ZFAT: variants seen among roughly 807,000 people sequenced by gnomAD.
ZFAT encodes the protein zinc finger and AT-hook domain containing.
A neutral mutation model predicts 117.7 loss-of-function variants in ZFAT; 64 were observed. That is an observed-to-expected ratio of 0.54 (90% CI 0.44 to 0.67). The LOEUF is 0.67. ZFAT is among the 30% of genes least tolerant of loss of function. The pLI is 0.00. For missense variants in ZFAT, 1,433 were observed against 1,584.5 expected (o/e 0.90, Z 1.62); for synonymous variants, 679 against 615.0 (o/e 1.10, Z -1.54).
In ZFAT at chr8:134,584,860, C is replaced by G. The variant is rs1825958631; in HGVS notation, c.2714-855G>C. 2.0e-5 allele frequency among the ~76,000 whole-genome samples: 3 copies of G among 151,162 alleles called. No individual in the cohort carries two copies. In the South Asian group the frequency reaches 6.3e-4, roughly 32 times the overall value. ...AAGCAGACAATTTTTAGTAGTAAGC[C>G]AAACGTTTTCACCCATTATCTACAC... On this transcript the variant is annotated intron_variant, in intron 9 of 15. Transcript: ENST00000377838.
intron 7 of ZFAT, among the ~76,000 whole-genome samples, chr8:134,595,358 A>G (rs774091560): frequency 1.2e-4 from 18 of 151,646 alleles, no homozygotes; most frequent in Admixed American, 3.9e-4. Context: ...TTTTTGAGAG[A>G]CAGAGAGAGA....
intron 1 of ZFAT, among the ~76,000 whole-genome samples, chr8:134,674,429 T>C (rs1172405211): frequency 6.6e-6 from 1 of 152,182 alleles, no homozygotes; most frequent in African/African-American, 2.4e-5. Flanking sequence ...GCATCCATCA[T>C]TGCTGAGGCC....
At chr8:134,770,067 C>CA in the ZFAT span, among the ~76,000 whole-genome samples, 146 of 152,316 alleles carry the variant, frequency 9.6e-4, no homozygotes, top group Non-Finnish European at 1.7e-3. Flanking sequence ...GAGGAGCTGC[C>CA]ACAAAGGTCT....
chr8:134,786,670 A>G, the ZFAT span, among the ~76,000 whole-genome samples: 2 of 152,194 alleles, frequency 1.3e-5, no homozygotes, highest in Non-Finnish European at 2.9e-5. Flanking sequence ...CATTATTCAG[A>G]GTAGATTTTA....
intron 7 of ZFAT, chr8:134,600,019 T>G (rs1323332631): frequency 2.7e-6 from 1 of 366,642 alleles, no homozygotes; most frequent in Non-Finnish European, 5.3e-6. Flanking sequence ...ATGCTCTTAC[T>G]CTGAACCAAA....
the ZFAT span, among the ~76,000 whole-genome samples, chr8:134,738,078 C>T: frequency 1.3e-5 from 2 of 152,172 alleles, no homozygotes; most frequent in African/African-American, 4.8e-5. Flanking sequence ...GTCATTATCT[C>T]AGTTCCTGTA....
chr8:134,646,295 A>T (rs1490397003), intron 2 of ZFAT, among the ~76,000 whole-genome samples: 1 of 152,210 alleles, frequency 6.6e-6, no homozygotes, highest in Non-Finnish European at 1.5e-5. Flanking sequence ...AAAATTTATG[A>T]AAATTAAATG....
the ZFAT span, among the ~76,000 whole-genome samples, chr8:134,755,414 A>G: frequency 6.6e-6 from 1 of 151,556 alleles, no homozygotes; most frequent in Non-Finnish European, 1.5e-5. Context: ...TGTCTCAAAA[A>G]AAAAAAAAAA....
At chr8:134,479,506 T>C (rs1343975808) in intron 15 of ZFAT, among the ~76,000 whole-genome samples, 1 of 152,192 alleles carries the variant, frequency 6.6e-6, no homozygotes, top group African/African-American at 2.4e-5. Flanking sequence ...TGTTTTTAAA[T>C]AACAACTGTC....
intron 15 of ZFAT, among the ~76,000 whole-genome samples, chr8:134,502,613 G>C (rs556280069): frequency 6.6e-6 from 1 of 152,202 alleles, no homozygotes; most frequent in East Asian, 1.9e-4. Context: ...CAACCATCAC[G>C]GGGACCCACT....
chr8:134,488,223 G>C (rs1462740938), intron 15 of ZFAT, among the ~76,000 whole-genome samples: 1 of 152,194 alleles, frequency 6.6e-6, no homozygotes, highest in African/African-American at 2.4e-5. Context: ...GGCATTCGGC[G>C]GCCCTTTGCT....
the ZFAT span, among the ~76,000 whole-genome samples, chr8:134,803,894 C>T: frequency 2.6e-3 from 396 of 152,214 alleles, no homozygotes; most frequent in Middle Eastern, 0.014. Context: ...AGACCTTTAT[C>T]TTTTGGTGGT....
intron 1 of ZFAT, among the ~76,000 whole-genome samples, chr8:134,695,139 C>G (rs939668745): frequency 5.3e-5 from 8 of 152,178 alleles, no homozygotes; most frequent in Non-Finnish European, 1.0e-4. Flanking sequence ...AACCATGGCC[C>G]AGGCTGCAGT....
intron 15 of ZFAT, among the ~76,000 whole-genome samples, chr8:134,488,240 G>T (rs1403592265): frequency 6.6e-6 from 1 of 152,222 alleles, no homozygotes; most frequent in African/African-American, 2.4e-5. Context: ...TGCTAATGAA[G>T]TTGGCAGATA....
Position 134,602,640 on chromosome 8 carries a change from T to C in ZFAT, c.1079A>G (p.Lys360Arg), listed in dbSNP as rs750097839. ...GTTCTTGACGTCAGAGTACTTCTTCTTGCAGAAGCGGCAGTGCTGCTTGAT... is the reference window on the plus strand; with the variant it reads ...GTTCTTGACGTCAGAGTACTTCTTCCTGCAGAAGCGGCAGTGCTGCTTGAT... ...KKIKQHCRFC[K>R]KKYSDVKNLI... The change falls in exon 6 of 16, where the codon AAG becomes AGG. Residue 360 changes from lysine (K) to arginine (R), a missense_variant. Coordinates refer to ENST00000377838, the MANE Select transcript of ZFAT (RefSeq NM_020863.4). The C allele has an allele frequency of 1.5e-5, 24 of 1,614,206 alleles. No individual in the cohort carries two copies. The highest frequency in any genetic ancestry group is 1.9e-5 in the Non-Finnish European group (23 of 1,180,042).
the ZFAT span, among the ~76,000 whole-genome samples, chr8:134,736,234 C>A: frequency 6.6e-6 from 1 of 152,134 alleles, no homozygotes; most frequent in African/African-American, 2.4e-5. Flanking sequence ...ATAAAAACGA[C>A]CACACCCCAG....
chr8:134,788,724 T>C, the ZFAT span, among the ~76,000 whole-genome samples: 1 of 152,126 alleles, frequency 6.6e-6, no homozygotes, highest in Non-Finnish European at 1.5e-5. Context: ...TTATATGTCA[T>C]TCGTGCTTTA....
chr8:134,621,359 T>C (rs1829092694), intron 3 of ZFAT, among the ~76,000 whole-genome samples: 1 of 152,144 alleles, frequency 6.6e-6, no homozygotes, highest in Non-Finnish European at 1.5e-5. Context: ...ACTATTATAA[T>C]AACAATACCT....
the ZFAT span, among the ~76,000 whole-genome samples, chr8:134,813,186 T>G: frequency 6.6e-6 from 1 of 152,174 alleles, no homozygotes; most frequent in Non-Finnish European, 1.5e-5. Flanking sequence ...AAAATAAAGA[T>G]GAGAAAACAA....
Sources: gnomAD v4.1 joint callset for allele counts (sites outside exome capture counted in the v4.1 genomes callset) on GRCh38, gnomAD v4.1.1 for gene constraint, MANE v1.5 for transcripts, NCBI Gene and HGNC (gene_info 2026-07-23, HGNC 2026-07-21) for gene names.